CDH13: variants seen among roughly 807,000 people sequenced by gnomAD.
The protein encoded by CDH13 is cadherin 13.
In CDH13, 24 loss-of-function variants were observed where a neutral mutation model predicts 63.8. The observed-to-expected ratio is 0.38, with a 90% CI of 0.27 to 0.53. CDH13 has a LOEUF of 0.53. Among genes scored for constraint, CDH13 ranks in the 20% least tolerant of loss-of-function variants. The pLI is 0.85. For missense variants in CDH13, 1,049 were observed against 903.1 expected (o/e 1.16, Z -2.07); for synonymous variants, 503 against 355.3 (o/e 1.42, Z -4.67).
chr16:83,297,285 T>C lies in CDH13; in HGVS notation c.637-47577T>C, dbSNP rs184462648. On this transcript the variant is annotated intron_variant, in intron 5 of 13. Coordinates refer to ENST00000567109, the MANE Select transcript of CDH13 (RefSeq NM_001257.5). ...TGTTTGAGATGATGGATATGCTAAT[T>C]ACCTGGATTTGATCATTATACAATG... Among the ~76,000 whole-genome samples the C allele has an allele frequency of 4.0e-3, 610 of 152,316 alleles. 3 individuals carry two copies. Among genetic ancestry groups the C allele is most frequent in the Middle Eastern group, 0.024 (7 of 294 alleles).
intron 11 of CDH13, among the ~76,000 whole-genome samples, chr16:83,772,434 T>G (rs1331031334): frequency 2.0e-5 from 3 of 152,126 alleles, no homozygotes; most frequent in Admixed American, 2.0e-4. Flanking sequence ...ACACGATAAA[T>G]TAGCAGACCA....
In CDH13 at chr16:83,797,321, T is replaced by C. The variant is rs373875716; in HGVS notation, c.*2291T>C. On this transcript the variant is annotated 3_prime_UTR_variant, in exon 14 of 14. Coordinates refer to ENST00000567109, the MANE Select transcript of CDH13 (RefSeq NM_001257.5). The stretch of plus-strand genomic sequence containing the variant: ...AACAAATACAGCATGACTCCTTTTC[T>C]CTCAAGCTGGTAGGCTCTCCTGCAC... 7.2e-5 allele frequency: 11 copies of C among 152,366 alleles called. No homozygotes were observed. Among genetic ancestry groups the C allele is most frequent in the African/African-American group, 2.6e-4 (11 of 41,594 alleles). 9.4% of individuals were successfully genotyped at this position (152,366 alleles called of 1,614,324 possible).
chr16:83,424,860 G>C (rs1034182119), intron 6 of CDH13, among the ~76,000 whole-genome samples: 1 of 152,058 alleles, frequency 6.6e-6, no homozygotes, highest in African/African-American at 2.4e-5. Context: ...CTCTCCCTTT[G>C]TTCTACAGCC....
chr16:82,655,713 A>G (rs1045040865), intron 1 of CDH13, among the ~76,000 whole-genome samples: 4 of 152,200 alleles, frequency 2.6e-5, no homozygotes, highest in African/African-American at 9.7e-5. Flanking sequence ...TCTTGTTTAC[A>G]TTTGTTAATT....
rs547690045 is a variant in CDH13, at chr16:83,211,762, C to G, written c.484-5583C>G. ...CCAGCTATGCGACGCCCACCTCCCC[C>G]CCCCAAACAGCCAGCCAGGAAGTCT... On this transcript the variant is annotated intron_variant, in intron 4 of 13. Coordinates refer to ENST00000567109, the MANE Select transcript of CDH13 (RefSeq NM_001257.5). Among the ~76,000 whole-genome samples, 128 of 152,212 alleles carry G rather than the reference C, an allele frequency of 8.4e-4. No individual in the cohort carries two copies. In the East Asian group the frequency reaches 0.02, roughly 23 times the overall value.
chr16:83,240,652 T>G (rs999614615), intron 5 of CDH13, among the ~76,000 whole-genome samples: 5 of 118,382 alleles, frequency 4.2e-5, no homozygotes, highest in Non-Finnish European at 8.6e-5. Flanking sequence ...ATTTTTTAAA[T>G]ATTTCAACTT....
intron 7 of CDH13, among the ~76,000 whole-genome samples, chr16:83,504,693 CCAGA>C (rs1442024831): frequency 6.6e-6 from 1 of 152,200 alleles, no homozygotes; most frequent in Non-Finnish European, 1.5e-5. Flanking sequence ...CACTAGACAT[CCAGA>C]CAGAGTGGCT....
chr16:83,721,069 T>G (rs1163639409), intron 10 of CDH13: 1 of 152,250 alleles, frequency 6.6e-6, no homozygotes, highest in East Asian at 1.9e-4. Context: ...CCAGCATGGT[T>G]GTTTGATGTA....
chr16:83,111,741 G>A (rs1389059432), intron 3 of CDH13, among the ~76,000 whole-genome samples: 2 of 152,178 alleles, frequency 1.3e-5, no homozygotes, highest in Non-Finnish European at 2.9e-5. Context: ...CATATCAATA[G>A]ATCGTCATAA....
At chr16:83,267,674 A>G (rs1247228062) in intron 5 of CDH13, among the ~76,000 whole-genome samples, 1 of 152,156 alleles carries the variant, frequency 6.6e-6, no homozygotes, top group East Asian at 1.9e-4. Flanking sequence ...TCATCATATG[A>G]TGCCTTTCAC....
In CDH13 at chr16:82,965,259, G is replaced by T. The variant is rs182551734; in HGVS notation, c.158-66751G>T. On this transcript the variant is annotated intron_variant, in intron 2 of 13. Transcript: ENST00000567109. ...TACTTTGCTTCTTCCCTCCCCACAC[G>T]ATCTCTCCAAAGCCTGGGAACTGAG... 1.7e-3 allele frequency among the ~76,000 whole-genome samples: 254 copies of T among 152,178 alleles called. 1 individual carries two copies. The highest frequency in any genetic ancestry group is 6.0e-3 in the African/African-American group (247 of 41,508).
At chr16:83,728,319 A>ATGTGTG (rs1408671329) in intron 10 of CDH13, among the ~76,000 whole-genome samples, 3,627 of 103,394 alleles carry the variant, frequency 0.035, 130 homozygotes, top group African/African-American at 0.1. Flanking sequence ...GGCACTGGCT[A>ATGTGTG]TGTGTGTATG....
At chr16:83,786,363 A>G (rs1915879000) in intron 13 of CDH13, among the ~76,000 whole-genome samples, 1 of 152,166 alleles carries the variant, frequency 6.6e-6, no homozygotes, top group Non-Finnish European at 1.5e-5. Context: ...CACTTAGGAA[A>G]CATTTTCAAA....
chr16:83,624,853 C>T (rs1409485155), intron 8 of CDH13, among the ~76,000 whole-genome samples: 1 of 152,170 alleles, frequency 6.6e-6, no homozygotes, highest in Non-Finnish European at 1.5e-5. Flanking sequence ...TTCCCATCTA[C>T]TCCAGATCCT....
intron 1 of CDH13, among the ~76,000 whole-genome samples, chr16:82,754,226 C>A (rs2034529222): frequency 6.6e-6 from 1 of 152,180 alleles, no homozygotes; most frequent in Non-Finnish European, 1.5e-5. Flanking sequence ...ATGTCTATTT[C>A]TGCCCTGGGG....
At chr16:83,411,065 C>A (rs112121837) in intron 6 of CDH13, among the ~76,000 whole-genome samples, 1 of 152,156 alleles carries the variant, frequency 6.6e-6, no homozygotes, top group Non-Finnish European at 1.5e-5. Context: ...CCATCCATAG[C>A]GGTCGTGGTC....
chr16:82,868,592 G>A (rs900366220), intron 2 of CDH13, among the ~76,000 whole-genome samples: 1 of 152,158 alleles, frequency 6.6e-6, no homozygotes, highest in Admixed American at 6.5e-5. Flanking sequence ...CTCAGACGAG[G>A]AACATGAACA....
intron 2 of CDH13, among the ~76,000 whole-genome samples, chr16:83,028,988 C>T (rs1051882509): frequency 1.1e-4 from 17 of 152,158 alleles, no homozygotes; most frequent in Admixed American, 2.6e-4. Context: ...GTGTACTGGG[C>T]ACCAACTTTG....
At chr16:83,551,569 G>C (rs1339308522) in intron 7 of CDH13, among the ~76,000 whole-genome samples, 3 of 152,134 alleles carry the variant, frequency 2.0e-5, no homozygotes, top group Admixed American at 6.5e-5. Context: ...CACCCATTCT[G>C]CATCTTCTTG....
Sources: gnomAD v4.1 joint callset for allele counts (sites outside exome capture counted in the v4.1 genomes callset) on GRCh38, gnomAD v4.1.1 for gene constraint, MANE v1.5 for transcripts, NCBI Gene and HGNC (gene_info 2026-07-23, HGNC 2026-07-21) for gene names.